The following FRMD3 variants were observed in gnomAD, a reference collection of about 807,000 sequenced individuals.
The protein encoded by FRMD3 is FERM domain-containing protein 3.
A neutral mutation model predicts 70.2 loss-of-function variants in FRMD3; 33 were observed. The ratio of observed to expected loss-of-function variants is 0.47; its 90% confidence interval spans 0.36 to 0.63. The LOEUF is 0.63. FRMD3 is among the 20% of genes least tolerant of loss of function. FRMD3 has a pLI of 0.00. For missense variants in FRMD3, 632 were observed against 711.4 expected (o/e 0.89, Z 1.27); for synonymous variants, 279 against 255.9 (o/e 1.09, Z -0.86).
At position 83,299,094 on chromosome 9, in the gene FRMD3, G is replaced by T; in HGVS notation, c.1001+18C>A. The T allele has an allele frequency of 6.4e-7, 1 of 1,555,386 alleles. No individual in the cohort carries two copies. Among genetic ancestry groups the T allele is most frequent in the Non-Finnish European group, 8.9e-7 (1 of 1,127,016 alleles). On this transcript the variant is annotated intron_variant, in intron 11 of 13. Transcript: ENST00000304195. Reference sequence around the variant, plus strand: ...CCCATCCCCACCCCCTCACTGAAATGGAACCATTGGTACCCACCTATATCG... The same window carrying T: ...CCCATCCCCACCCCCTCACTGAAATTGAACCATTGGTACCCACCTATATCG...
chr9:83,520,891 G>C (rs1829556037), intron 1 of FRMD3, among the ~76,000 whole-genome samples: 1 of 150,652 alleles, frequency 6.6e-6, no homozygotes. Context: ...TTGGGAAGCT[G>C]AGGTGGGTGG....
intron 1 of FRMD3, among the ~76,000 whole-genome samples, chr9:83,439,754 A>T (rs1827243538): frequency 6.6e-6 from 1 of 152,222 alleles, no homozygotes; most frequent in African/African-American, 2.4e-5. Context: ...TGCCTTGCCC[A>T]AAGTGTTTAA....
chr9:83,478,625 G>A (rs576507187), intron 1 of FRMD3, among the ~76,000 whole-genome samples: 113 of 152,198 alleles, frequency 7.4e-4, no homozygotes, highest in Non-Finnish European at 7.8e-4. Flanking sequence ...AATTACCATA[G>A]GATCCAGCAA....
chr9:83,326,133 C>A (rs1836006703), intron 6 of FRMD3, among the ~76,000 whole-genome samples: 1 of 152,130 alleles, frequency 6.6e-6, no homozygotes, highest in South Asian at 2.1e-4. Flanking sequence ...CTATTTGATT[C>A]TAAAAAATGA....
At chr9:83,403,681 T>C (rs1204577253) in intron 1 of FRMD3, among the ~76,000 whole-genome samples, 1 of 152,138 alleles carries the variant, frequency 6.6e-6, no homozygotes, top group African/African-American at 2.4e-5. Context: ...GCCATAACAA[T>C]AATAGGAATA....
downstream of FRMD3, chr9:83,243,173 TC>T: frequency 1.9e-6 from 3 of 1,549,608 alleles, no homozygotes; most frequent in Non-Finnish European, 2.6e-6. Context: ...TTGGCTGAGC[TC>T]ACCACGGGCA....
Position 83,394,058 on chromosome 9 carries a change from C to A in FRMD3, c.148-4350G>T, listed in dbSNP as rs116487355. Among the ~76,000 whole-genome samples, 542 of 151,864 alleles carry A rather than the reference C, an allele frequency of 3.6e-3. 1 individual carries two copies. The highest frequency in any genetic ancestry group is 0.013 in the African/African-American group (524 of 41,402). On this transcript the variant is annotated intron_variant, in intron 1 of 13. Transcript: ENST00000304195. ...TTGAGACTCTCTGATCTAAACTGTG[C>A]CACCAGGCTTGGGGGTTCTGTTTGG...
chr9:83,273,575 T>A (rs1833686287), intron 13 of FRMD3, among the ~76,000 whole-genome samples: 2 of 141,890 alleles, frequency 1.4e-5, no homozygotes, highest in Non-Finnish European at 3.0e-5. Flanking sequence ...TCCACTATTG[T>A]CCTATGACCC....
In FRMD3 at chr9:83,380,672, A is replaced by G. The variant is rs539818797; in HGVS notation, c.253-7717T>C. Among the ~76,000 whole-genome samples the G allele has an allele frequency of 4.6e-5, 7 of 152,332 alleles. No homozygotes were observed. In the South Asian group the frequency reaches 1.2e-3, roughly 27 times the overall value. On this transcript the variant is annotated intron_variant, in intron 2 of 13. Transcript: ENST00000304195. ...TGCTAAGACAAAAAAAATTGCATCT[A>G]AAAGTAAACAATATAGCACTTAGTT...
rs896730439 is a variant in FRMD3, at chr9:83,440,305, T to C, written c.148-50597A>G. Among the ~76,000 whole-genome samples, 4 of 152,224 alleles carry C rather than the reference T, an allele frequency of 2.6e-5. No homozygotes were observed. In the East Asian group the frequency reaches 7.7e-4, roughly 29 times the overall value. The stretch of plus-strand genomic sequence containing the variant: ...ACAAAGCTCCCCTTGTAAATACAAA[T>C]GTAATCAATACATCAGTGATCAGTG... On this transcript the variant is annotated intron_variant, in intron 1 of 13. Transcript: ENST00000304195.
the FRMD3 span, among the ~76,000 whole-genome samples, chr9:83,563,360 G>A: frequency 2.0e-5 from 3 of 152,208 alleles, no homozygotes; most frequent in African/African-American, 7.2e-5. Context: ...GCCCTGCTAA[G>A]CAGCCTCTGA....
chr9:83,477,889 T>C (rs1002485215), intron 1 of FRMD3, among the ~76,000 whole-genome samples: 35 of 152,194 alleles, frequency 2.3e-4, no homozygotes, highest in Non-Finnish European at 8.8e-5. Flanking sequence ...AATTCACATA[T>C]TACTTGTCCT....
chr9:83,464,304 C>A (rs1828057375), intron 1 of FRMD3, among the ~76,000 whole-genome samples: 1 of 152,342 alleles, frequency 6.6e-6, no homozygotes, highest in African/African-American at 2.4e-5. Flanking sequence ...CTTCCAAATT[C>A]TCTATGAGTA....
intron 11 of FRMD3, 71 bp downstream of exon 11, chr9:83,299,040 CA>C: frequency 8.5e-7 from 1 of 1,179,732 alleles, no homozygotes; most frequent in Non-Finnish European, 1.3e-6. Context: ...CACTTATTTG[CA>C]AGCAGAATTT....
At chr9:83,370,149 G>A (rs1380713275) in intron 3 of FRMD3, among the ~76,000 whole-genome samples, 1 of 152,154 alleles carries the variant, frequency 6.6e-6, no homozygotes, top group Non-Finnish European at 1.5e-5. Flanking sequence ...ATTGCCTACT[G>A]AAAGGTGATA....
At chr9:83,489,070 G>A (rs1161881726) in intron 1 of FRMD3, among the ~76,000 whole-genome samples, 1 of 149,768 alleles carries the variant, frequency 6.7e-6, no homozygotes, top group African/African-American at 2.5e-5. Flanking sequence ...AATGACAGGA[G>A]GTATCTATTT....
At chr9:83,325,481 C>T (rs933761885) in intron 6 of FRMD3, among the ~76,000 whole-genome samples, 1 of 151,546 alleles carries the variant, frequency 6.6e-6, no homozygotes, top group African/African-American at 2.4e-5. Context: ...CATGCCACTA[C>T]ATCTGGCTAA....
At chr9:83,269,868 G>GT (rs1833472907) in intron 13 of FRMD3, among the ~76,000 whole-genome samples, 1 of 151,994 alleles carries the variant, frequency 6.6e-6, no homozygotes, top group Non-Finnish European at 1.5e-5. Flanking sequence ...TTCAGAGATC[G>GT]TAAGTAGATT....
chr9:83,462,221 A>G (rs1827996725), intron 1 of FRMD3, among the ~76,000 whole-genome samples: 1 of 152,198 alleles, frequency 6.6e-6, no homozygotes, highest in East Asian at 1.9e-4. Flanking sequence ...CATTTTTGCC[A>G]TATAAATCTG....
Sources: allele counts gnomAD v4.1 joint callset (sites outside exome capture counted in the v4.1 genomes callset), GRCh38; gene constraint gnomAD v4.1.1; transcripts MANE v1.5; gene names NCBI Gene and HGNC (gene_info 2026-07-23, HGNC 2026-07-21).